XYLT2: variants seen among roughly 807,000 people sequenced by gnomAD.
The protein encoded by XYLT2 is UDP-D-xylose:proteoglycan core protein beta-D-xylosyltransferase.
A neutral mutation model predicts 82.6 loss-of-function variants in XYLT2; 37 were observed. The ratio of observed to expected loss-of-function variants is 0.45; its 90% CI spans 0.34 to 0.59. The LOEUF (loss-of-function observed/expected upper bound fraction) is 0.59. XYLT2 is among the 20% of genes least tolerant of loss of function. The pLI, the probability that XYLT2 is intolerant of heterozygous loss-of-function variation, is 0.01. For missense variants in XYLT2, 934 were observed against 1,181.3 expected, an observed-to-expected ratio of 0.79 and a Z score of 3.07; for synonymous variants, 474 against 499.0, an observed-to-expected ratio of 0.95 and a Z score of 0.67.
In XYLT2 at chr17:50,356,652, G is replaced by A. The variant is rs758447501; in HGVS notation, c.1624G>A (p.Asp542Asn). 11 of 1,613,908 alleles carry A rather than the reference G, an allele frequency of 6.8e-6. No individual in the cohort carries two copies. The East Asian group carries it at 1.1e-4, about 16-fold the overall frequency. ...CAAGGCCTACTGGGAGAACACCTACGACGCGGCTGATGGCCCCAGTGGGCT... is the reference window on the plus strand; with the variant it reads ...CAAGGCCTACTGGGAGAACACCTACAACGCGGCTGATGGCCCCAGTGGGCT... ...ALKAYWENTYDAADGPSGLSD... is the reference protein window; with the variant it reads ...ALKAYWENTYNAADGPSGLSD... Residue 542 changes from aspartate to asparagine, a missense_variant, in exon 8 of 11, where the codon GAC becomes AAC. Asp to Asn is a conservative substitution (Grantham distance 23). Around this residue, in one of 3 missense-constraint regions of XYLT2, gnomAD observed 374 missense variants for 465.6 expected, o/e 0.80. Transcript: ENST00000017003.
chr17:50,356,936 G>C, intron 8 of XYLT2, 121 bp from the exon 9 acceptor site: 2 of 1,461,128 alleles, frequency 1.4e-6, no homozygotes, highest in Non-Finnish European at 1.8e-6. Context: ...AGGTGCTGTG[G>C]GGGTGAGATC....
rs1329719433 is a variant in XYLT2, at chr17:50,346,802, C to T, written c.135+527C>T. 1 of 985,266 alleles carries T rather than the reference C, an allele frequency of 1.0e-6. No homozygotes were observed. The allele number at this position is 985,266 out of a possible 1,614,324, so 61.0% of individuals were successfully genotyped here. On this transcript the variant is annotated intron_variant, in intron 1 of 10. Coordinates refer to ENST00000017003, the MANE Select transcript of XYLT2 (RefSeq NM_022167.4). The surrounding 1 kb of genome is among the most constrained non-coding windows in gnomAD (Gnocchi z 5.1). ...ATTCAGGCCTGGGACAAAGTGTGTA[C>T]CCGGGAACTGAAGGAACAGGGAGTG... is the stretch of plus-strand genomic sequence containing the variant.
chr17:50,358,381 G>C lies in XYLT2; in HGVS notation c.2116G>C (p.Asp706His), dbSNP rs199553943. 1.2e-4 allele frequency: 186 copies of C among 1,614,030 alleles called. No individual in the cohort carries two copies. Among genetic ancestry groups the C allele is most frequent in the East Asian group, 2.2e-5 (1 of 44,898 alleles). Reference sequence around the variant, plus strand: ...GGCCACATCTTATGACATCACAGTAGATACGGAGACTGAGGTCACGCAATA... The same window carrying C: ...GGCCACATCTTATGACATCACAGTACATACGGAGACTGAGGTCACGCAATA... ...VVATSYDITV[D>H]TETEVTQYKP... Residue 706 changes from aspartate (D) to histidine (H), a missense_variant, in exon 10 of 11, where the codon GAT (aspartate) becomes CAT (histidine). Physicochemically the swap from Asp to His is moderately conservative, Grantham distance 81. Coordinates refer to ENST00000017003, the MANE Select transcript of XYLT2 (RefSeq NM_022167.4).
chr17:50,360,860 G>A lies in XYLT2; in HGVS notation c.*569G>A, dbSNP rs72832457. 12,893 of 985,906 alleles carry A rather than the reference G, an allele frequency of 0.013. 139 individuals carry two copies. The highest frequency in any genetic ancestry group is 0.044 in the Middle Eastern group (85 of 1,916). The allele number at this position is 985,906 out of a possible 1,614,324, so 61.1% of individuals were successfully genotyped here. A position where few individuals can be genotyped will look rare whatever the true frequency, so the allele number is the denominator to read the frequency against. ...CCGAAGAACAGGTGATATCGGGGGC[G>A]CTGCAGAGCTGGGCTCTAGCAGGAC... is the stretch of plus-strand genomic sequence containing the variant. On this transcript the variant is annotated 3_prime_UTR_variant, in exon 11 of 11. Transcript: ENST00000017003.
rs1269565488 is a variant in XYLT2, at chr17:50,353,852, C to T, written c.358C>T (p.Arg120Cys). 31 of 1,605,268 alleles carry T rather than the reference C, an allele frequency of 1.9e-5. No individual in the cohort carries two copies. The highest frequency in any genetic ancestry group is 4.0e-5 in the African/African-American group (3 of 74,794). Reference sequence around the variant, plus strand: ...TGCCCCACCCCCGGAAGCCCCAGGCCGCCAGAACCTGAGTGGGGCAGCAGC... The same window carrying T: ...TGCCCCACCCCCGGAAGCCCCAGGCTGCCAGAACCTGAGTGGGGCAGCAGC... ...PPAPPPEAPG[R>C]QNLSGAAAGE... The change falls in exon 2 of 11, where the codon CGC becomes TGC. Residue 120 changes from arginine (R) to cysteine (C), a missense_variant. Arg to Cys is a radical substitution (Grantham distance 180). This residue lies in a region of XYLT2 where 371 missense variants were observed against 394.9 expected (regional missense o/e 0.94). Coordinates refer to ENST00000017003, the MANE Select transcript of XYLT2 (RefSeq NM_022167.4).
At chr17:50,357,434 T>A (rs1009503232) in intron 9 of XYLT2, 182 bp downstream of exon 9, 1 of 595,012 alleles carries the variant, frequency 1.7e-6, no homozygotes, top group Non-Finnish European at 2.9e-6. Flanking sequence ...GAGCACCTCC[T>A]GGTTGGGGTA....
chr17:50,356,761 C>A lies in XYLT2; in HGVS notation c.1733C>A (p.Thr578Asn), dbSNP rs756332943. ...HAATAAPPMG[T>N]PLCRFEPRGL... The stretch of plus-strand genomic sequence containing the variant: ...GCCACTGCTGCACCCCCAATGGGCA[C>A]CCCACTCTGCAGGTGAGACCCCCTT... The change falls in exon 8 of 11, where the codon ACC becomes AAC. Residue 578 changes from threonine to asparagine, a missense_variant. Transcript: ENST00000017003. 2.5e-6 allele frequency: 4 copies of A among 1,602,946 alleles called. No individual in the cohort carries two copies. Among genetic ancestry groups the A allele is most frequent in the Non-Finnish European group, 3.4e-6 (4 of 1,179,528 alleles).
chr17:50,347,847 G>A (rs891258811), intron 1 of XYLT2, among the ~76,000 whole-genome samples: 1 of 152,188 alleles, frequency 6.6e-6, no homozygotes, highest in African/African-American at 2.4e-5. Flanking sequence ...TGCTGAAGCT[G>A]GACCACCCAC....
In XYLT2 at chr17:50,347,297, G is replaced by C. The variant is rs143293533; in HGVS notation, c.135+1022G>C. Reference sequence around the variant, plus strand: ...GAGACTCTATCTGCTGCTGTCCTCCGGCAAGCCCCGATACCCGCGACCCCT... The same window carrying C: ...GAGACTCTATCTGCTGCTGTCCTCCCGCAAGCCCCGATACCCGCGACCCCT... On this transcript the variant is annotated intron_variant, in intron 1 of 10. Transcript: ENST00000017003. 6.9e-3 allele frequency among the ~76,000 whole-genome samples: 1,044 copies of C among 152,282 alleles called. 13 individuals are homozygous for C. The highest frequency in any genetic ancestry group is 0.024 in the African/African-American group (994 of 41,554).
rs181326564 is a variant in XYLT2 at position 50,353,614 on chromosome 17, T to C, written c.136-16T>C. The stretch of plus-strand genomic sequence containing the variant: ...TGAGGGTCTGCCCCAGTGATGTGTC[T>C]GCATCTCTCTTACAGAAAGGAAGGC... On this transcript the variant is annotated splice_polypyrimidine_tract_variant and intron_variant, in intron 1 of 10. Transcript: ENST00000017003. 58 of 1,556,034 alleles carry C rather than the reference T, an allele frequency of 3.7e-5. No homozygotes were observed. The African/African-American group carries it at 7.0e-4, about 19-fold the overall frequency.
chr17:50,346,658 G>T lies in XYLT2; in HGVS notation c.135+383G>T. On this transcript the variant is annotated intron_variant, in intron 1 of 10. Transcript: ENST00000017003. This position sits in a 1 kb window ranked among gnomAD's most constrained non-coding sequence, Gnocchi z 5.1. ...CCCCAGGCCAAACTTTCTGAAGTTG[G>T]GAGGGGGCGGGGATATGCGCGCCGT... 1 of 985,416 alleles carries T rather than the reference G, an allele frequency of 1.0e-6. No homozygotes were observed. The highest frequency in any genetic ancestry group is 1.2e-6 in the Non-Finnish European group (1 of 829,906). The allele number at this position is 985,416 out of a possible 1,614,324, so 61.0% of individuals were successfully genotyped here.
At chr17:50,359,477 T>G (rs1257336800) in intron 10 of XYLT2, 2 of 154,130 alleles carry the variant, frequency 1.3e-5, no homozygotes, top group Non-Finnish European at 2.9e-5. Context: ...GCAGGCAAGC[T>G]GTGTCCCCCG....
At position 50,357,231 on chromosome 17, in the gene XYLT2, C is replaced by T. The variant is rs141630918; in HGVS notation, c.1920C>T (p.Ala640=). ...AGCTGTTGGGGCGCAGTGACCAGGCCAGCCGGCTCCAGAGTCTGGAGGTGG... is the reference window on the plus strand; with the variant it reads ...AGCTGTTGGGGCGCAGTGACCAGGCTAGCCGGCTCCAGAGTCTGGAGGTGG... ...SLKLLGRSDQ[A]SRLQSLEVGT... The change falls in exon 9 of 11, where the codon GCC becomes GCT. Residue 640 remains alanine (A), a synonymous_variant. Coordinates refer to ENST00000017003, the MANE Select transcript of XYLT2 (RefSeq NM_022167.4). 6.2e-7 allele frequency: 1 copy of T among 1,600,806 alleles called. No homozygotes were observed. Among genetic ancestry groups the T allele is most frequent in the Non-Finnish European group, 8.5e-7 (1 of 1,176,014 alleles).
rs1912172673 is a variant in XYLT2 at position 50,349,637 on chromosome 17, G to A, written c.135+3362G>A. 2.6e-5 allele frequency among the ~76,000 whole-genome samples: 4 copies of A among 152,136 alleles called. No individual in the cohort carries two copies. In the South Asian group the frequency reaches 8.3e-4, roughly 32 times the overall value. On this transcript the variant is annotated intron_variant, in intron 1 of 10. Coordinates refer to ENST00000017003, the MANE Select transcript of XYLT2 (RefSeq NM_022167.4). ...GGCTGGCTGGGTGCTAGGCACAGAGGGCATGGATGTAGGCATGGGGCTCTG... is the reference window on the plus strand; with the variant it reads ...GGCTGGCTGGGTGCTAGGCACAGAGAGCATGGATGTAGGCATGGGGCTCTG...
Position 50,346,333 on chromosome 17 carries a change from C to A in XYLT2, c.135+58C>A. ...GGCGCGGGGGCGCGCGGGGTCCTGGCGGGGCTGCGGGCGGCCCCAGCCGGG... is the reference window on the plus strand; with the variant it reads ...GGCGCGGGGGCGCGCGGGGTCCTGGAGGGGCTGCGGGCGGCCCCAGCCGGG... On this transcript the variant is annotated intron_variant, in intron 1 of 10. Transcript: ENST00000017003. The surrounding 1 kb of genome is among the most constrained non-coding windows in gnomAD (Gnocchi z 5.1). 5.0e-6 allele frequency: 5 copies of A among 1,005,354 alleles called. No individual in the cohort carries two copies. The highest frequency in any genetic ancestry group is 5.9e-6 in the Non-Finnish European group (5 of 844,374). The allele number at this position is 1,005,354 out of a possible 1,614,324, so 62.3% of individuals were successfully genotyped here.
Position 50,346,316 on chromosome 17 carries a change from G to A in XYLT2, c.135+41G>A, listed in dbSNP as rs1912034419. 4 of 1,027,936 alleles carry A rather than the reference G, an allele frequency of 3.9e-6. No individual in the cohort carries two copies. Among genetic ancestry groups the A allele is most frequent in the Non-Finnish European group, 4.7e-6 (4 of 858,952 alleles). 63.7% of individuals were successfully genotyped at this position (1,027,936 alleles called of 1,614,324 possible). A position where few individuals can be genotyped will look rare whatever the true frequency, so the allele number is the denominator to read the frequency against. ...GGCGGGCGGGCAGGCCGGGCGCGGGGGCGCGCGGGGTCCTGGCGGGGCTGC... is the reference window on the plus strand; with the variant it reads ...GGCGGGCGGGCAGGCCGGGCGCGGGAGCGCGCGGGGTCCTGGCGGGGCTGC... On this transcript the variant is annotated intron_variant, in intron 1 of 10. Transcript: ENST00000017003. This position sits in a 1 kb window ranked among gnomAD's most constrained non-coding sequence, Gnocchi z 5.1.
At position 50,346,621 on chromosome 17, in the gene XYLT2, G is replaced by C. The variant is rs1912054789; in HGVS notation, c.135+346G>C. On this transcript the variant is annotated intron_variant, in intron 1 of 10. Transcript: ENST00000017003. This position sits in a 1 kb window ranked among gnomAD's most constrained non-coding sequence, Gnocchi z 5.1. ...GGCGGGGCTGGGCCCGAACCTGCTC[G>C]GAGGTGGGGAGCCCCAGGCCAAACT... 1 of 985,186 alleles carries C rather than the reference G, an allele frequency of 1.0e-6. No homozygotes were observed. The highest frequency in any genetic ancestry group is 1.2e-6 in the Non-Finnish European group (1 of 829,836). 61.0% of individuals were successfully genotyped at this position (985,186 alleles called of 1,614,324 possible).
rs1386530088 is a variant in XYLT2 at position 50,356,205 on chromosome 17, G to GA, written c.1427dup (p.Asp476GlufsTer70). ...CAAGTGCCAGTACAAGCACATTGTG[G>GA]ACTGGTGTGGCTGCTCCCCCAACGA... is the stretch of plus-strand genomic sequence containing the variant. On this transcript the variant is annotated frameshift_variant, in exon 7 of 11. Coordinates refer to ENST00000017003, the MANE Select transcript of XYLT2 (RefSeq NM_022167.4). LOFTEE classifies it high-confidence loss of function. The GA allele has an allele frequency of 6.2e-7, 1 of 1,614,108 alleles. No homozygotes were observed. Among genetic ancestry groups the GA allele is most frequent in the Non-Finnish European group, 8.5e-7 (1 of 1,180,046 alleles).
chr17:50,346,943 G>T lies in XYLT2; in HGVS notation c.135+668G>T, dbSNP rs1912067645. ...GAGGAGGAACTGAGCTGGTGAGTTG[G>T]CCTCAGGACCTTAGGGAATTAGGGA... On this transcript the variant is annotated intron_variant, in intron 1 of 10. Coordinates refer to ENST00000017003, the MANE Select transcript of XYLT2 (RefSeq NM_022167.4). The surrounding 1 kb of genome is among the most constrained non-coding windows in gnomAD (Gnocchi z 5.1). 1 of 985,140 alleles carries T rather than the reference G, an allele frequency of 1.0e-6. No homozygotes were observed. The highest frequency in any genetic ancestry group is 1.2e-6 in the Non-Finnish European group (1 of 829,814). 61.0% of individuals were successfully genotyped at this position (985,140 alleles called of 1,614,324 possible).
Sources: gnomAD v4.1 joint callset for allele counts (sites outside exome capture counted in the v4.1 genomes callset) on GRCh38, gnomAD v4.1.1 for gene constraint, gnomAD v4.1.1 regional missense constraint, Gnocchi (gnomAD v3.1) non-coding constraint, MANE v1.5 for transcripts, NCBI Gene and HGNC (gene_info 2026-07-23, HGNC 2026-07-21) for gene names.